The following SMARCA1 variants were observed in gnomAD, a reference collection of about 807,000 sequenced individuals.
SMARCA1 encodes the protein SWI/SNF-related matrix-associated actin-dependent regulator of chromatin subfamily A member 1.
In SMARCA1, 17 loss-of-function variants were observed where a neutral mutation model predicts 93.6. The ratio of observed to expected loss-of-function variants is 0.18; its 90% CI spans 0.12 to 0.27. SMARCA1 has a LOEUF of 0.27. Among genes scored for constraint, SMARCA1 ranks in the 10% least tolerant of loss-of-function variants. The probability of loss-of-function intolerance (pLI) is 1.00; values close to 1 mark genes in which losing one functional copy is unlikely to be tolerated. For synonymous variants in SMARCA1, 271 were observed against 271.4 expected (o/e 1.00, Z 0.01); for missense variants, 630 against 819.0 (o/e 0.77, Z 2.82).
At chrX:129,452,021 T>C (rs1932335849) in intron 23 of SMARCA1, among the ~76,000 whole-genome samples, 1 of 111,999 alleles carries the variant, frequency 8.9e-6, no homozygotes, top group South Asian at 3.7e-4. Context: ...TTTATTCTCA[T>C]GCTTCATGAC....
At chrX:129,503,443 G>A (rs972437382) in intron 9 of SMARCA1, among the ~76,000 whole-genome samples, 26 of 111,791 alleles carry the variant, frequency 2.3e-4, no homozygotes, top group South Asian at 3.8e-4. Context: ...TATGGCAGAC[G>A]GAGAAGGGAG....
chrX:129,466,188 T>C (rs1367048011), intron 21 of SMARCA1, among the ~76,000 whole-genome samples: 1 of 111,436 alleles, frequency 9.0e-6, no homozygotes, highest in Non-Finnish European at 1.9e-5. Flanking sequence ...TTTTCCTTCA[T>C]GAAATAGTAC....
intron 17 of SMARCA1, among the ~76,000 whole-genome samples, chrX:129,483,361 A>T (rs1933765725): frequency 4.6e-5 from 5 of 109,535 alleles, no homozygotes; most frequent in Admixed American, 2.0e-4. Flanking sequence ...GAGATTTCTT[A>T]ATTACAAGAA....
chrX:129,485,422 T>G (rs756968871), intron 17 of SMARCA1, among the ~76,000 whole-genome samples: 2 of 112,196 alleles, frequency 1.8e-5, no homozygotes, highest in East Asian at 5.6e-4. Context: ...AAATATCTTG[T>G]TTTTGGTTTT....
chrX:129,475,259 T>C (rs766786344), intron 19 of SMARCA1, among the ~76,000 whole-genome samples: 147 of 110,198 alleles, frequency 1.3e-3, no homozygotes, highest in Admixed American at 2.1e-3. Flanking sequence ...TGGCTCACAC[T>C]TGTAATCCCA....
At chrX:129,465,796 T>C (rs1932894415) in intron 22 of SMARCA1, 48 bp downstream of exon 22, 2 of 1,058,415 alleles carry the variant, frequency 1.9e-6, no homozygotes, top group East Asian at 6.1e-5. Context: ...AGCTGACCAC[T>C]ATTTCAATTA....
chrX:129,484,279 T>C (rs996681091), intron 17 of SMARCA1, among the ~76,000 whole-genome samples: 18 of 111,961 alleles, frequency 1.6e-4, no homozygotes, highest in African/African-American at 5.8e-4. Context: ...ATTGTAAAAT[T>C]AATAAAACTT....
At chrX:129,491,774 G>C (rs1934139673) in intron 14 of SMARCA1, among the ~76,000 whole-genome samples, 167 bp downstream of exon 14, 1 of 111,642 alleles carries the variant, frequency 9.0e-6, no homozygotes. Flanking sequence ...CATTTCTTTT[G>C]TTTTTGCAAT....
chrX:129,518,517 T>G, intron 1 of SMARCA1, 70 bp from the exon 2 acceptor site: 1 of 610,819 alleles, frequency 1.6e-6, no homozygotes, highest in South Asian at 3.0e-5. Context: ...AATGCTCTCA[T>G]TAGAAGAAGG....
intron 23 of SMARCA1, among the ~76,000 whole-genome samples, chrX:129,451,703 T>TC (rs1488115920): frequency 5.3e-5 from 5 of 94,999 alleles, no homozygotes; most frequent in African/African-American, 1.5e-4. Context: ...CAGCTCCATT[T>TC]TTTTTTTTTT....
chrX:129,513,358 C>T (rs1463503356), intron 5 of SMARCA1, among the ~76,000 whole-genome samples: 1 of 107,944 alleles, frequency 9.3e-6, no homozygotes, highest in Non-Finnish European at 1.9e-5. Context: ...AACCCCATCT[C>T]TACTAAAAAT....
chrX:129,516,529 T>C (rs1480797179), intron 2 of SMARCA1, 32 bp from the exon 3 acceptor site: 3 of 1,140,748 alleles, frequency 2.6e-6, no homozygotes, highest in Non-Finnish European at 2.4e-6. Flanking sequence ...AAGTAAGGAC[T>C]TTCCTTTTCA....
chrX:129,488,138 G>A (rs1176572920), intron 16 of SMARCA1, among the ~76,000 whole-genome samples: 1 of 110,417 alleles, frequency 9.1e-6, no homozygotes, highest in East Asian at 2.8e-4. Flanking sequence ...CATAATTTGT[G>A]GAGAGGGGAA....
At chrX:129,517,252 C>T (rs1043922759) in intron 2 of SMARCA1, among the ~76,000 whole-genome samples, 4 of 110,847 alleles carry the variant, frequency 3.6e-5, no homozygotes, top group Non-Finnish European at 7.6e-5. Context: ...GGTCAGGGAA[C>T]GTGTACCATA....
At chrX:129,521,484 AGGGC>A (rs1253251143) in intron 1 of SMARCA1, among the ~76,000 whole-genome samples, 1 of 112,518 alleles carries the variant, frequency 8.9e-6, no homozygotes, top group African/African-American at 3.2e-5. Context: ...AAGTACTGGT[AGGGC>A]AATTTCTAAT....
chrX:129,453,658 G>C (rs1353711081), intron 23 of SMARCA1, among the ~76,000 whole-genome samples: 1 of 111,310 alleles, frequency 9.0e-6, no homozygotes, highest in Non-Finnish European at 1.9e-5. Flanking sequence ...ATAATAGACA[G>C]AGAGCCAAAT....
At chrX:129,457,252 T>G (rs752040971) in intron 23 of SMARCA1, among the ~76,000 whole-genome samples, 2 of 112,564 alleles carry the variant, frequency 1.8e-5, no homozygotes, top group Admixed American at 1.9e-4. Context: ...TCAGACATAA[T>G]GCTATTGCTC....
chrX:129,477,736 T>A (rs1210666620), intron 19 of SMARCA1, among the ~76,000 whole-genome samples: 4 of 111,369 alleles, frequency 3.6e-5, no homozygotes, highest in African/African-American at 1.3e-4. Context: ...ACTTGAACAA[T>A]AAGTAACACA....
intron 17 of SMARCA1, among the ~76,000 whole-genome samples, chrX:129,483,006 A>G (rs920897783): frequency 8.9e-6 from 1 of 112,329 alleles, no homozygotes; most frequent in Non-Finnish European, 1.9e-5. Flanking sequence ...ATGACTAAAG[A>G]CAGACACAAC....
Sources: allele counts gnomAD v4.1 joint callset (sites outside exome capture counted in the v4.1 genomes callset), GRCh38; gene constraint gnomAD v4.1.1; transcripts MANE v1.5; gene names NCBI Gene and HGNC (gene_info 2026-07-23, HGNC 2026-07-21).